The following MACROD2 variants were observed in gnomAD, a reference collection of about 807,000 sequenced individuals.
MACROD2 encodes the protein mono-ADP ribosylhydrolase 2.
Under a neutral mutation model 70.4 loss-of-function variants are expected in MACROD2, and 36 were observed. The observed-to-expected ratio is 0.51, with a 90% CI of 0.39 to 0.68. The LOEUF (loss-of-function observed/expected upper bound fraction) is 0.68. MACROD2 is among the 30% of genes least tolerant of loss of function. MACROD2 has a pLI of 0.00. For missense variants in MACROD2, 496 were observed against 538.4 expected, an observed-to-expected ratio of 0.92 and a Z score of 0.78; for synonymous variants, 172 against 178.8, an observed-to-expected ratio of 0.96 and a Z score of 0.30.
At chr20:15,998,764 C>T (rs2066668227) in intron 15 of MACROD2, among the ~76,000 whole-genome samples, 6 of 151,794 alleles carry the variant, frequency 4.0e-5, no homozygotes, top group Admixed American at 3.9e-4. Context: ...TAGGGTTTCA[C>T]CGTGTTAGCC....
At chr20:14,181,930 T>G (rs74179736) in intron 3 of MACROD2, among the ~76,000 whole-genome samples, 1 of 152,368 alleles carries the variant, frequency 6.6e-6, no homozygotes, top group East Asian at 1.9e-4. Context: ...CTGGCTATTG[T>G]GAATAATTCT....
chr20:15,960,450 T>C (rs2066043371), intron 12 of MACROD2, among the ~76,000 whole-genome samples: 1 of 152,176 alleles, frequency 6.6e-6, no homozygotes. Context: ...GATGAAGGAC[T>C]ATCTTGGTTT....
intron 9 of MACROD2, among the ~76,000 whole-genome samples, chr20:15,878,509 T>C (rs370082042): frequency 3.3e-5 from 5 of 152,140 alleles, no homozygotes; most frequent in African/African-American, 1.2e-4. Context: ...TACACTTTGA[T>C]AATTACCTTA....
At chr20:15,798,449 G>C (rs2063695018) in intron 8 of MACROD2, among the ~76,000 whole-genome samples, 1 of 152,112 alleles carries the variant, frequency 6.6e-6, no homozygotes, top group South Asian at 2.1e-4. Context: ...AGTTCTAAGA[G>C]GGAAACTGCC....
intron 4 of MACROD2, among the ~76,000 whole-genome samples, chr20:14,651,900 G>A (rs1985698686): frequency 6.6e-6 from 1 of 152,124 alleles, no homozygotes; most frequent in Admixed American, 6.5e-5. Context: ...CTAGGTAGCA[G>A]CCTCTGTTTC....
intron 8 of MACROD2, among the ~76,000 whole-genome samples, chr20:15,824,063 C>G (rs551391280): frequency 6.6e-6 from 1 of 152,224 alleles, no homozygotes; most frequent in Admixed American, 6.5e-5. Flanking sequence ...AATTGCTGAG[C>G]AATTGGTGGC....
chr20:14,525,086 T>C (rs527809848), intron 4 of MACROD2, among the ~76,000 whole-genome samples: 9 of 152,278 alleles, frequency 5.9e-5, no homozygotes, highest in African/African-American at 2.2e-4. Context: ...CAAAACCCCT[T>C]TATAACTGGC....
At chr20:14,152,350 GT>G (rs1378300635) in intron 3 of MACROD2, among the ~76,000 whole-genome samples, 2 of 151,744 alleles carry the variant, frequency 1.3e-5, no homozygotes, top group Non-Finnish European at 2.9e-5. Context: ...TATTTCTCTA[GT>G]GCTTTGAATA....
At chr20:14,307,183 G>T (rs1003642578) in intron 3 of MACROD2, among the ~76,000 whole-genome samples, 4 of 152,020 alleles carry the variant, frequency 2.6e-5, no homozygotes, top group Non-Finnish European at 5.9e-5. Flanking sequence ...GAATGAGATG[G>T]CCTCCATATT....
At chr20:14,406,525 T>C (rs2083692756) in intron 3 of MACROD2, among the ~76,000 whole-genome samples, 1 of 152,092 alleles carries the variant, frequency 6.6e-6, no homozygotes, top group Non-Finnish European at 1.5e-5. Flanking sequence ...ATACAGAAAC[T>C]GTTTGAGACA....
At chr20:15,574,186 C>T (rs940951100) in intron 8 of MACROD2, among the ~76,000 whole-genome samples, 1 of 152,026 alleles carries the variant, frequency 6.6e-6, no homozygotes, top group African/African-American at 2.4e-5. Flanking sequence ...AACTTTGGGC[C>T]AATACTGCAT....
chr20:15,282,501 C>A (rs1425836085), intron 6 of MACROD2, among the ~76,000 whole-genome samples: 1 of 152,158 alleles, frequency 6.6e-6, no homozygotes, highest in Non-Finnish European at 1.5e-5. Flanking sequence ...TTTCTTCTGC[C>A]AGATTCCCTA....
chr20:15,299,437 A>T (rs1230297337), intron 6 of MACROD2, among the ~76,000 whole-genome samples: 1 of 152,228 alleles, frequency 6.6e-6, no homozygotes, highest in Non-Finnish European at 1.5e-5. Context: ...TTCCTAATTC[A>T]ACAAAGAGAG....
chr20:15,168,371 C>A (rs1031399281), intron 5 of MACROD2, among the ~76,000 whole-genome samples: 1 of 151,862 alleles, frequency 6.6e-6, no homozygotes, highest in African/African-American at 2.4e-5. Flanking sequence ...AGGATGAATA[C>A]ACTTTCTGTG....
At chr20:15,797,800 A>G (rs2147066608) in intron 8 of MACROD2, among the ~76,000 whole-genome samples, 1 of 152,270 alleles carries the variant, frequency 6.6e-6, no homozygotes, top group Non-Finnish European at 1.5e-5. Flanking sequence ...CTAAAGCAAA[A>G]TTTTGAGTCC....
chr20:14,557,722 T>C (rs558941140), intron 4 of MACROD2, among the ~76,000 whole-genome samples: 1 of 151,822 alleles, frequency 6.6e-6, no homozygotes, highest in Admixed American at 6.6e-5. Flanking sequence ...AGACAGATAA[T>C]AAGAATTGTT....
At chr20:15,632,555 CAGTGT>C (rs2049306816) in intron 8 of MACROD2, among the ~76,000 whole-genome samples, 1 of 152,122 alleles carries the variant, frequency 6.6e-6, no homozygotes, top group South Asian at 2.1e-4. Context: ...AAATACCTTA[CAGTGT>C]AATTTCCAGA....
chr20:15,618,356 C>T (rs968986892), intron 8 of MACROD2, among the ~76,000 whole-genome samples: 1 of 152,158 alleles, frequency 6.6e-6, no homozygotes, highest in African/African-American at 2.4e-5. Context: ...CCTCCAGCCA[C>T]ATGGAAACAA....
intron 6 of MACROD2, among the ~76,000 whole-genome samples, chr20:15,261,070 A>C (rs1233023965): frequency 6.6e-6 from 1 of 152,024 alleles, no homozygotes; most frequent in Admixed American, 6.6e-5. Context: ...AGACATTTCC[A>C]AGCCCAGCTT....
Sources: allele counts gnomAD v4.1 joint callset (sites outside exome capture counted in the v4.1 genomes callset), GRCh38; gene constraint gnomAD v4.1.1; transcripts MANE v1.5; gene names NCBI Gene and HGNC (gene_info 2026-07-23, HGNC 2026-07-21).